The following TRIM26 variants were observed in gnomAD, a reference collection of about 807,000 sequenced individuals.
The protein encoded by TRIM26 is tripartite motif containing 26, also known as tripartite motif-containing protein 26.
In TRIM26, 16 loss-of-function variants were observed where a neutral mutation model predicts 45.5. The ratio of observed to expected loss-of-function variants is 0.35; its 90% CI spans 0.24 to 0.53. TRIM26 has a LOEUF of 0.53. TRIM26 is among the 20% of genes least tolerant of loss of function. TRIM26 has a pLI of 0.92. For missense variants in TRIM26, 442 were observed against 691.1 expected, an observed-to-expected ratio of 0.64 and a Z score of 4.04; for synonymous variants, 273 against 290.4, an observed-to-expected ratio of 0.94 and a Z score of 0.61.
Position 30,198,627 on chromosome 6 carries a change from G to A in TRIM26, c.438+39C>T. ...AGGACTGCAAGGTGGAGCATCCAGA[G>A]AAGGTGGCAAGGCACCCTCGGGGGT... On this transcript the variant is annotated intron_variant, in intron 4 of 9. Transcript: ENST00000454678. This position sits in a 1 kb window ranked among gnomAD's most constrained non-coding sequence, Gnocchi z 6.3. 6.2e-7 allele frequency: 1 copy of A among 1,606,252 alleles called. No homozygotes were observed. The highest frequency in any genetic ancestry group is 8.5e-7 in the Non-Finnish European group (1 of 1,176,766).
rs1465501053 is a variant in TRIM26 at position 30,199,167 on chromosome 6, CAT to C, written c.-66_-65del. On this transcript the variant is annotated 5_prime_UTR_variant, in exon 4 of 10. An upstream start codon of the reference 5' UTR is lost. Transcript: ENST00000454678. ...GGACTTCTTCTCCTTGGAGACGCGA[CAT>C]AGAGTCAGGAGCAAGCACAGTAAAG... is the stretch of plus-strand genomic sequence containing the variant. 18 of 1,486,930 alleles carry C rather than the reference CAT, an allele frequency of 1.2e-5. No individual in the cohort carries two copies. The highest frequency in any genetic ancestry group is 1.4e-5 in the Non-Finnish European group (16 of 1,111,844). 92.1% of individuals were successfully genotyped at this position (1,486,930 alleles called of 1,614,324 possible).
At position 30,189,697 on chromosome 6, in the gene TRIM26, G is replaced by T; in HGVS notation, c.789-164C>A. ...GCCCAAAGACACCAGCTGAACCAGGGCTTCAGAACATCAGTAGACTCCACA... is the reference window on the plus strand; with the variant it reads ...GCCCAAAGACACCAGCTGAACCAGGTCTTCAGAACATCAGTAGACTCCACA... On this transcript the variant is annotated intron_variant, in intron 7 of 9. Coordinates refer to ENST00000454678, the MANE Select transcript of TRIM26 (RefSeq NM_003449.5). This position sits in a 1 kb window ranked among gnomAD's most constrained non-coding sequence, Gnocchi z 5.0. 1 of 668,616 alleles carries T rather than the reference G, an allele frequency of 1.5e-6. No individual in the cohort carries two copies. 41.4% of individuals were successfully genotyped at this position (668,616 alleles called of 1,614,324 possible).
At chr6:30,195,322 G>A (rs369687712) in intron 6 of TRIM26, among the ~76,000 whole-genome samples, 10 of 152,264 alleles carry the variant, frequency 6.6e-5, no homozygotes, top group South Asian at 2.1e-4. Flanking sequence ...AGAGTATGAC[G>A]AGAGAAATCT....
intron 6 of TRIM26, among the ~76,000 whole-genome samples, chr6:30,191,097 G>T (rs1775780209): frequency 6.6e-6 from 1 of 152,160 alleles, no homozygotes; most frequent in Non-Finnish European, 1.5e-5. Context: ...GGGAGAAAAA[G>T]AGAGAAGCAA....
chr6:30,208,345 C>T (rs10947058), intron 1 of TRIM26, among the ~76,000 whole-genome samples: 9,712 of 152,152 alleles, frequency 0.064, 444 homozygotes, highest in Middle Eastern at 0.11. Context: ...CAGCAACTTA[C>T]AGAAACCAGG....
Position 30,196,531 on chromosome 6 carries a change from A to G in TRIM26, c.750T>C (p.Ala250=), listed in dbSNP as rs1776478781. ...GGCCTCTCACCTGCATGAGCTCTGC[A>G]GCTGGCTGCTGCGCCTTGCCCTCCA... The part of the protein sequence containing the change: ...SELEGKAQQP[A]AELMQDTRDF... Residue 250 remains alanine, a synonymous_variant, in exon 6 of 10, where the codon GCT becomes GCC. Transcript: ENST00000454678. This position sits in a 1 kb window ranked among gnomAD's most constrained non-coding sequence, Gnocchi z 4.9. The G allele has an allele frequency of 1.9e-6, 3 of 1,608,738 alleles. No individual in the cohort carries two copies. The highest frequency in any genetic ancestry group is 1.7e-6 in the Non-Finnish European group (2 of 1,180,006).
intron 1 of TRIM26, among the ~76,000 whole-genome samples, chr6:30,208,550 G>A (rs1777955377): frequency 6.6e-6 from 1 of 150,750 alleles, no homozygotes; most frequent in African/African-American, 2.4e-5. Flanking sequence ...ATTTGGGTGG[G>A]GGGCTGTCAA....
rs1322564925 is a variant in TRIM26 at position 30,184,544 on chromosome 6, C to G, written c.*1332G>C. Reference sequence around the variant, plus strand: ...ATACAAGAGTAGTATAAGATGTTATCCGCCCTCCAGGAGCTTACAAAACTA... The same window carrying G: ...ATACAAGAGTAGTATAAGATGTTATGCGCCCTCCAGGAGCTTACAAAACTA... On this transcript the variant is annotated 3_prime_UTR_variant, in exon 10 of 10. Coordinates refer to ENST00000454678, the MANE Select transcript of TRIM26 (RefSeq NM_003449.5). 1 of 152,498 alleles carries G rather than the reference C, an allele frequency of 6.6e-6. No individual in the cohort carries two copies. Among genetic ancestry groups the G allele is most frequent in the Non-Finnish European group, 1.5e-5 (1 of 68,062 alleles). 9.4% of individuals were successfully genotyped at this position (152,498 alleles called of 1,614,324 possible). A position where few individuals can be genotyped will look rare whatever the true frequency, so the allele number is the denominator to read the frequency against.
At chr6:30,208,904 ATGTGTGTGTGTGTGTGTGTGTG>A (rs9278612) in intron 1 of TRIM26, among the ~76,000 whole-genome samples, 2 of 140,730 alleles carry the variant, frequency 1.4e-5, no homozygotes, top group South Asian at 2.4e-4. Flanking sequence ...GATATAGAAT[ATGTGTGTGTGTGTGTGTGTGTG>A]TGTGTGTGTG....
rs752252197 is a variant in TRIM26, at chr6:30,186,337, C to A, written c.1159G>T (p.Asp387Tyr). ...EGWSEDEEEG[D>Y]EEEEGEEEEE... ...TCCTCTTCTCCCTCTTCCTCCTCAT[C>A]CCCCTCTTCTTCATCCTCAGACCAG... is the stretch of plus-strand genomic sequence containing the variant. Residue 387 changes from aspartate (D) to tyrosine (Y), a missense_variant, in exon 10 of 10, where the codon GAT (aspartate) becomes TAT (tyrosine). Asp to Tyr is a radical substitution (Grantham distance 160). Transcript: ENST00000454678. The surrounding 1 kb of genome is among the most constrained non-coding windows in gnomAD (Gnocchi z 7.4). 15 of 1,612,182 alleles carry A rather than the reference C, an allele frequency of 9.3e-6. No homozygotes were observed. The highest frequency in any genetic ancestry group is 5.0e-5 in the Admixed American group (3 of 59,994).
intron 3 of TRIM26, among the ~76,000 whole-genome samples, chr6:30,200,568 G>C (rs1430595000): frequency 3.3e-5 from 5 of 152,222 alleles, no homozygotes; most frequent in Non-Finnish European, 7.3e-5. Context: ...GGCTGTGGCT[G>C]CTATGTGCTG....
intron 6 of TRIM26, among the ~76,000 whole-genome samples, chr6:30,195,647 C>T (rs1462621116): frequency 6.6e-6 from 1 of 152,180 alleles, no homozygotes; most frequent in Non-Finnish European, 1.5e-5. Context: ...GCCTTGCTAT[C>T]TCTCCCTCCT....
At position 30,189,687 on chromosome 6, in the gene TRIM26, C is replaced by T. The variant is rs1775611560; in HGVS notation, c.789-154G>A. 1 of 694,800 alleles carries T rather than the reference C, an allele frequency of 1.4e-6. No individual in the cohort carries two copies. Among genetic ancestry groups the T allele is most frequent in the Non-Finnish European group, 2.4e-6 (1 of 410,984 alleles). The allele number at this position is 694,800 out of a possible 1,614,324, so 43.0% of individuals were successfully genotyped here. On this transcript the variant is annotated intron_variant, in intron 7 of 9. Coordinates refer to ENST00000454678, the MANE Select transcript of TRIM26 (RefSeq NM_003449.5). The surrounding 1 kb of genome is among the most constrained non-coding windows in gnomAD (Gnocchi z 5.0). ...AAAAACAGTGGCCCAAAGACACCAG[C>T]TGAACCAGGGCTTCAGAACATCAGT... is the stretch of plus-strand genomic sequence containing the variant.
intron 1 of TRIM26, among the ~76,000 whole-genome samples, chr6:30,210,221 AC>A (rs1245227793): frequency 7.0e-6 from 1 of 142,560 alleles, no homozygotes; most frequent in Non-Finnish European, 1.6e-5. Flanking sequence ...AAAAAAAAAA[AC>A]TGCACAGACA....
intron 6 of TRIM26, among the ~76,000 whole-genome samples, chr6:30,193,542 C>T (rs556111384): frequency 2.6e-5 from 4 of 151,796 alleles, no homozygotes; most frequent in Non-Finnish European, 5.9e-5. Context: ...CTTAGGATTG[C>T]TTTGGCCATT....
intron 1 of TRIM26, among the ~76,000 whole-genome samples, chr6:30,208,099 G>A (rs1777901847): frequency 6.6e-6 from 1 of 152,208 alleles, no homozygotes; most frequent in African/African-American, 2.4e-5. Context: ...TTGGCACAGA[G>A]TAGACAATAA....
rs9278607 is a variant in TRIM26 at position 30,193,136 on chromosome 6, ATGTGTG to A, written c.766-3107_766-3102del. Among the ~76,000 whole-genome samples, 75 of 51,686 alleles carry A rather than the reference ATGTGTG, an allele frequency of 1.5e-3. 1 individual carries two copies. Among genetic ancestry groups the A allele is most frequent in the Non-Finnish European group, 2.1e-3 (66 of 32,146 alleles). 33.9% of individuals were successfully genotyped at this position (51,686 alleles called of 152,430 possible). A position where few individuals can be genotyped will look rare whatever the true frequency, so the allele number is the denominator to read the frequency against. On this transcript the variant is annotated intron_variant, in intron 6 of 9. Coordinates refer to ENST00000454678, the MANE Select transcript of TRIM26 (RefSeq NM_003449.5). Reference sequence around the variant, plus strand: ...TATATGTGTATATATATATACATATATGTGTGTGTGTGTGTGTGTGTGTGTGTATAT... The same window carrying A: ...TATATGTGTATATATATATACATATATGTGTGTGTGTGTGTGTGTGTATAT...
chr6:30,185,939 GGT>G lies in TRIM26; in HGVS notation c.1555_1556del (p.Thr519ProfsTer52). On this transcript the variant is annotated frameshift_variant, in exon 10 of 10. Coordinates refer to ENST00000454678, the MANE Select transcript of TRIM26 (RefSeq NM_003449.5). LOFTEE classifies it high-confidence loss of function. The surrounding 1 kb of genome is among the most constrained non-coding windows in gnomAD (Gnocchi z 5.7). ...ELIYTFTATF[T>X]RRLVPFLWLK... ...GCCACAGGAAGGGGACCAGGCGCCG[GGT>G]GAAGGTGGCAGTGAAGGTGTAGATG... The G allele has an allele frequency of 6.2e-7, 1 of 1,613,058 alleles. No homozygotes were observed. The highest frequency in any genetic ancestry group is 8.5e-7 in the Non-Finnish European group (1 of 1,180,012).
chr6:30,189,393 C>A lies in TRIM26; in HGVS notation c.904+25G>T. Reference sequence around the variant, plus strand: ...GAGGTAGCCCTGCTCTGACTCCCACCCTTTGTGCGCTCCCCAACCCTTACC... The same window carrying A: ...GAGGTAGCCCTGCTCTGACTCCCACACTTTGTGCGCTCCCCAACCCTTACC... On this transcript the variant is annotated intron_variant, in intron 8 of 9. Transcript: ENST00000454678. This position sits in a 1 kb window ranked among gnomAD's most constrained non-coding sequence, Gnocchi z 5.0. 1 of 1,610,602 alleles carries A rather than the reference C, an allele frequency of 6.2e-7. No individual in the cohort carries two copies. The highest frequency in any genetic ancestry group is 8.5e-7 in the Non-Finnish European group (1 of 1,177,872).
Sources: allele counts gnomAD v4.1 joint callset (sites outside exome capture counted in the v4.1 genomes callset), GRCh38; gene constraint gnomAD v4.1.1; non-coding constraint Gnocchi (gnomAD v3.1); transcripts MANE v1.5; gene names NCBI Gene and HGNC (gene_info 2026-07-23, HGNC 2026-07-21).